Variants in MEAF6 observed in about 807,000 individuals in gnomAD.
MEAF6 encodes the protein MYST/Esa1 associated factor 6.
In MEAF6, 15 loss-of-function variants were observed where a neutral mutation model predicts 28.9. That is an observed-to-expected ratio of 0.52 (90% confidence interval 0.35 to 0.80). MEAF6 has a LOEUF of 0.80. Among genes scored for constraint, MEAF6 ranks in the 30% least tolerant of loss-of-function variants. The pLI is 0.01. For missense variants in MEAF6, 178 were observed against 237.5 expected (o/e 0.75, Z 1.65); for synonymous variants, 97 against 88.7 (o/e 1.09, Z -0.53).
At chr1:37,510,222 C>T (rs573581084) in intron 2 of MEAF6, among the ~76,000 whole-genome samples, 69 of 151,748 alleles carry the variant, frequency 4.5e-4, no homozygotes, top group African/African-American at 1.6e-3. Flanking sequence ...GGATTACAGG[C>T]ACGTGCCACC....
chr1:37,500,845 T>C (rs938346832), intron 5 of MEAF6: 2 of 153,540 alleles, frequency 1.3e-5, no homozygotes, highest in African/African-American at 4.8e-5. Flanking sequence ...ATCCCTTGCA[T>C]TGCCCCCTTT....
intron 4 of MEAF6, among the ~76,000 whole-genome samples, chr1:37,507,453 T>TAA (rs34744420): frequency 6.2e-5 from 8 of 129,226 alleles, no homozygotes; most frequent in Non-Finnish European, 1.3e-4. Flanking sequence ...AAGTAAGATT[T>TAA]AAAAAAAAAA....
In MEAF6 at chr1:37,493,676, G is replaced by A; in HGVS notation, c.*423C>T. 1.0e-6 allele frequency: 1 copy of A among 979,778 alleles called. No homozygotes were observed. The highest frequency in any genetic ancestry group is 1.5e-5 in the South Asian group (1 of 66,352). The allele number at this position is 979,778 out of a possible 1,614,324, so 60.7% of individuals were successfully genotyped here. A position where few individuals can be genotyped will look rare whatever the true frequency, so the allele number is the denominator to read the frequency against. On this transcript the variant is annotated 3_prime_UTR_variant, in exon 7 of 7. Transcript: ENST00000296214. ...AACAAGAAAACATAAAACAATATAA[G>A]AAAATGCCAGATATTTACAGCCTCC...
At chr1:37,512,944 A>C (rs1168461213) in intron 2 of MEAF6, among the ~76,000 whole-genome samples, 2 of 151,966 alleles carry the variant, frequency 1.3e-5, no homozygotes, top group African/African-American at 4.8e-5. Context: ...TAATCCCAAC[A>C]CTTTGGGAGG....
intron 5 of MEAF6, among the ~76,000 whole-genome samples, chr1:37,497,856 T>G (rs575404805): frequency 6.6e-4 from 101 of 152,230 alleles, no homozygotes; most frequent in African/African-American, 1.9e-3. Flanking sequence ...CCCCCTAAAG[T>G]GCTGGGATTA....
intron 4 of MEAF6, among the ~76,000 whole-genome samples, chr1:37,506,907 A>G (rs1393703894): frequency 6.6e-6 from 1 of 152,260 alleles, no homozygotes. Context: ...TTCTGAAAGC[A>G]GTAACTTGAG....
chr1:37,509,751 A>G (rs1337302573), intron 2 of MEAF6, among the ~76,000 whole-genome samples: 3 of 152,144 alleles, frequency 2.0e-5, no homozygotes, highest in Non-Finnish European at 4.4e-5. Context: ...TCACATGTTC[A>G]TTTTTTAAAT....
At position 37,491,419 on chromosome 1, in the gene MEAF6, T is replaced by C. The variant is rs1641925198; in HGVS notation, c.*2680A>G. ...ACTGGGGAGGCTGAGGCAGGAGAAT[T>C]GCTTGATACCTATAATCCCAGCACT... is the stretch of plus-strand genomic sequence containing the variant. On this transcript the variant is annotated 3_prime_UTR_variant, in exon 7 of 7. Coordinates refer to ENST00000296214, the MANE Select transcript of MEAF6 (RefSeq NM_001270875.3). Among the ~76,000 whole-genome samples, 1 of 152,094 alleles carries C rather than the reference T, an allele frequency of 6.6e-6. No individual in the cohort carries two copies. The highest frequency in any genetic ancestry group is 2.1e-4 in the South Asian group (1 of 4,814).
rs1218499666 is a variant in MEAF6, at chr1:37,509,330, G to C, written c.295-7C>G. 12 of 1,613,832 alleles carry C rather than the reference G, an allele frequency of 7.4e-6. No individual in the cohort carries two copies. ...CTGCCAATGCACTTACTGCCTAAAA[G>C]AAAAGCCACCAGTTACTAGAAAAGT... On this transcript the variant is annotated splice_region_variant and splice_polypyrimidine_tract_variant and intron_variant, in intron 3 of 6. Coordinates refer to ENST00000296214, the MANE Select transcript of MEAF6 (RefSeq NM_001270875.3).
At chr1:37,499,219 T>C (rs762967097) in intron 5 of MEAF6, among the ~76,000 whole-genome samples, 3 of 152,182 alleles carry the variant, frequency 2.0e-5, no homozygotes, top group Non-Finnish European at 2.9e-5. Flanking sequence ...TTAAGTGCCA[T>C]ATTTATTTCC....
At chr1:37,507,920 T>C (rs898029809) in intron 4 of MEAF6, among the ~76,000 whole-genome samples, 1 of 151,846 alleles carries the variant, frequency 6.6e-6, no homozygotes, top group African/African-American at 2.4e-5. Flanking sequence ...AGATAATAAT[T>C]AAATACTTCT....
chr1:37,499,756 T>C (rs573797916), intron 5 of MEAF6, among the ~76,000 whole-genome samples: 2 of 152,348 alleles, frequency 1.3e-5, no homozygotes, highest in African/African-American at 2.4e-5. Flanking sequence ...TGGAAGGAGA[T>C]AGCTCCTAGG....
At chr1:37,509,186 G>A (rs901706164) in intron 4 of MEAF6, 92 bp downstream of exon 4, 3 of 1,112,052 alleles carry the variant, frequency 2.7e-6, no homozygotes, top group African/African-American at 3.1e-5. Context: ...CATAAGAAAT[G>A]CAGTCCTCAG....
At position 37,493,740 on chromosome 1, in the gene MEAF6, CA is replaced by C. The variant is rs1557602434; in HGVS notation, c.*358del. On this transcript the variant is annotated 3_prime_UTR_variant, in exon 7 of 7. Transcript: ENST00000296214. The stretch of plus-strand genomic sequence containing the variant: ...CTTGTGTTCTACTTTCAGCATAAAA[CA>C]AAACCAGAGAACATTTCTTGAAGGG... 1.3e-6 allele frequency: 2 copies of C among 1,527,602 alleles called. No individual in the cohort carries two copies. The highest frequency in any genetic ancestry group is 8.9e-7 in the Non-Finnish European group (1 of 1,127,040). The allele number at this position is 1,527,602 out of a possible 1,614,324, so 94.6% of individuals were successfully genotyped here.
At position 37,509,438 on chromosome 1, in the gene MEAF6, C is replaced by T. The variant is rs184231572; in HGVS notation, c.294+17G>A. ...AACAACAGGCCAAAGAAAGATTCCC[C>T]CACCACCACTACTTACAGCTGCTGA... is the stretch of plus-strand genomic sequence containing the variant. On this transcript the variant is annotated intron_variant, in intron 3 of 6. Coordinates refer to ENST00000296214, the MANE Select transcript of MEAF6 (RefSeq NM_001270875.3). 2.5e-4 allele frequency: 407 copies of T among 1,612,684 alleles called. No individual in the cohort carries two copies. The African/African-American group carries it at 5.2e-3, about 20-fold the overall frequency.
Position 37,493,391 on chromosome 1 carries a change from T to C in MEAF6, c.*708A>G, listed in dbSNP as rs190621466. ...ACTGATTTAAACTTATGTTTTTCCA[T>C]TTTTCCTGTTCCTTGAACATGAATC... On this transcript the variant is annotated 3_prime_UTR_variant, in exon 7 of 7. Coordinates refer to ENST00000296214, the MANE Select transcript of MEAF6 (RefSeq NM_001270875.3). 3.8e-4 allele frequency: 81 copies of C among 215,984 alleles called. No homozygotes were observed. The highest frequency in any genetic ancestry group is 2.8e-3 in the East Asian group (28 of 10,034). The allele number at this position is 215,984 out of a possible 1,614,324, so 13.4% of individuals were successfully genotyped here. A position where few individuals can be genotyped will look rare whatever the true frequency, so the allele number is the denominator to read the frequency against.
chr1:37,506,538 C>CTT (rs751365319), intron 4 of MEAF6, among the ~76,000 whole-genome samples: 1 of 151,994 alleles, frequency 6.6e-6, no homozygotes. Flanking sequence ...CGTCCAGCTA[C>CTT]TTTTGTTTTG....
chr1:37,510,649 T>G (rs1642639401), intron 2 of MEAF6, among the ~76,000 whole-genome samples: 1 of 152,200 alleles, frequency 6.6e-6, no homozygotes. Flanking sequence ...TCCAAAGTGC[T>G]GGGATTACAG....
At chr1:37,514,579 A>T in intron 1 of MEAF6, 78 bp downstream of exon 1, 4 of 1,188,330 alleles carry the variant, frequency 3.4e-6, no homozygotes, top group Non-Finnish European at 4.5e-6. Flanking sequence ...CAAACGGCCT[A>T]GCGCGGCCGG....
Sources: allele counts gnomAD v4.1 joint callset (sites outside exome capture counted in the v4.1 genomes callset), GRCh38; gene constraint gnomAD v4.1.1; transcripts MANE v1.5; gene names NCBI Gene and HGNC (gene_info 2026-07-23, HGNC 2026-07-21).